Variants in ZNF804B observed in about 807,000 individuals in gnomAD.
ZNF804B encodes the protein zinc finger 804B.
Under a neutral mutation model 101.4 loss-of-function variants are expected in ZNF804B, and 80 were observed. That is an observed-to-expected ratio of 0.79 (90% CI 0.66 to 0.95). The LOEUF (loss-of-function observed/expected upper bound fraction) is 0.95, where lower values mean the gene tolerates loss of function less well. ZNF804B is among the 40% of genes least tolerant of loss of function. The pLI is 0.00. For missense variants in ZNF804B, 1,673 were observed against 1,561.9 expected, an observed-to-expected ratio of 1.07 and a Z score of -1.20; for synonymous variants, 622 against 558.8, an observed-to-expected ratio of 1.11 and a Z score of -1.59.
At chr7:89,287,951 A>G (rs753521893) in intron 2 of ZNF804B, among the ~76,000 whole-genome samples, 15 of 151,624 alleles carry the variant, frequency 9.9e-5, no homozygotes, top group Non-Finnish European at 2.1e-4. Context: ...AAAACCACAT[A>G]CCACTTTCTA....
intron 1 of ZNF804B, among the ~76,000 whole-genome samples, chr7:89,022,719 C>G (rs1007785333): frequency 6.6e-6 from 1 of 152,174 alleles, no homozygotes; most frequent in African/African-American, 2.4e-5. Flanking sequence ...AAATACTTAA[C>G]TGTTGTTAAC....
At chr7:88,867,980 G>C (rs931069288) in intron 1 of ZNF804B, among the ~76,000 whole-genome samples, 1 of 151,446 alleles carries the variant, frequency 6.6e-6, no homozygotes, top group African/African-American at 2.4e-5. Context: ...ATGTCTGTTA[G>C]CATAATCACC....
chr7:89,245,487 A>T lies in ZNF804B; in HGVS notation c.249+27192A>T, dbSNP rs372659471. 3.9e-5 allele frequency among the ~76,000 whole-genome samples: 6 copies of T among 152,334 alleles called. No individual in the cohort carries two copies. The East Asian group carries it at 1.2e-3, about 29-fold the overall frequency. ...AGCAGAAGAGTTTCAAGTGGCCAGT[A>T]TTTGAACACAATGAAATTAAATCAG... On this transcript the variant is annotated intron_variant, in intron 2 of 3. Coordinates refer to ENST00000333190, the MANE Select transcript of ZNF804B (RefSeq NM_181646.5).
intron 1 of ZNF804B, among the ~76,000 whole-genome samples, chr7:88,854,414 C>CCTTTCTTTCTTCCCTTCTTTCTTTCTTT (rs1491507073): frequency 1.8e-5 from 1 of 57,076 alleles, no homozygotes; most frequent in African/African-American, 6.3e-5. Context: ...TTTCTTTCTT[C>CCTTTCTTTCTTCCCTTCTTTCTTTCTTT]CTTTCTTTCT....
intron 1 of ZNF804B, among the ~76,000 whole-genome samples, chr7:89,122,296 C>T (rs1019606943): frequency 2.6e-5 from 4 of 152,172 alleles, no homozygotes; most frequent in African/African-American, 9.6e-5. Flanking sequence ...TGCTACATAG[C>T]TCATGTGGCT....
intron 2 of ZNF804B, among the ~76,000 whole-genome samples, chr7:89,231,753 G>A (rs1340809654): frequency 6.6e-6 from 1 of 151,954 alleles, no homozygotes; most frequent in African/African-American, 2.4e-5. Flanking sequence ...ATATCCAATA[G>A]ATTTTTTATA....
intron 1 of ZNF804B, among the ~76,000 whole-genome samples, chr7:88,924,222 T>A (rs1344364398): frequency 6.6e-6 from 1 of 152,178 alleles, no homozygotes; most frequent in Non-Finnish European, 1.5e-5. Flanking sequence ...TAAATGCTGT[T>A]AATGATTTTA....
chr7:89,187,414 A>AGCTCCAAACAAACAAACCAT (rs1183181290), intron 1 of ZNF804B, among the ~76,000 whole-genome samples: 3 of 152,222 alleles, frequency 2.0e-5, no homozygotes, highest in Non-Finnish European at 1.5e-5. Context: ...AAACTAAGGG[A>AGCTCCAAACAAACAAACCAT]GCTCCAAACA....
intron 1 of ZNF804B, among the ~76,000 whole-genome samples, chr7:89,141,909 T>C (rs1027212787): frequency 4.0e-5 from 6 of 151,082 alleles, no homozygotes; most frequent in African/African-American, 1.5e-4. Flanking sequence ...ATAATAATAA[T>C]AATAACTGTA....
chr7:89,311,850 C>T (rs1790654029), intron 2 of ZNF804B, among the ~76,000 whole-genome samples: 1 of 152,158 alleles, frequency 6.6e-6, no homozygotes, highest in African/African-American at 2.4e-5. Context: ...GTTACAATGA[C>T]ACTACAAAGT....
chr7:88,931,532 A>G (rs932130217), intron 1 of ZNF804B, among the ~76,000 whole-genome samples: 5 of 151,938 alleles, frequency 3.3e-5, no homozygotes, highest in African/African-American at 9.7e-5. Flanking sequence ...GTCTATGTAT[A>G]TTTATTTTCC....
At chr7:89,184,103 T>G (rs975289521) in intron 1 of ZNF804B, among the ~76,000 whole-genome samples, 2 of 152,120 alleles carry the variant, frequency 1.3e-5, no homozygotes, top group African/African-American at 4.8e-5. Context: ...TCATTTAGTT[T>G]GTGATGTAAG....
chr7:89,141,243 T>C (rs781509867), intron 1 of ZNF804B, among the ~76,000 whole-genome samples: 1 of 151,998 alleles, frequency 6.6e-6, no homozygotes, highest in South Asian at 2.1e-4. Flanking sequence ...AATTAAAACA[T>C]TTAAATATTG....
Position 89,125,940 on chromosome 7 carries a change from C to T in ZNF804B, c.109-92215C>T, listed in dbSNP as rs372416223. ...ACTGTAGGGCACTCAAGAAGATACA[C>T]TATGATGGCAAGCACATTACTCTGC... is the stretch of plus-strand genomic sequence containing the variant. On this transcript the variant is annotated intron_variant, in intron 1 of 3. Transcript: ENST00000333190. Among the ~76,000 whole-genome samples, 20 of 152,144 alleles carry T rather than the reference C, an allele frequency of 1.3e-4. No individual in the cohort carries two copies. In the East Asian group the frequency reaches 3.5e-3, roughly 27 times the overall value.
rs77268633 is a variant in ZNF804B at position 88,933,611 on chromosome 7, G to A, written c.108+173527G>A. ...GTCTCAAGATACAAAATCAACGTAC[G>A]TGAATCAGTAGCACTGCTTTACACC... On this transcript the variant is annotated intron_variant, in intron 1 of 3. Transcript: ENST00000333190. Among the ~76,000 whole-genome samples, 125 of 151,986 alleles carry A rather than the reference G, an allele frequency of 8.2e-4. 1 individual carries two copies. The East Asian group carries it at 0.014, about 17-fold the overall frequency.
chr7:89,173,339 A>C (rs1314115697), intron 1 of ZNF804B, among the ~76,000 whole-genome samples: 2 of 151,952 alleles, frequency 1.3e-5, no homozygotes, highest in African/African-American at 2.4e-5. Context: ...TGAGTAATTT[A>C]AATAAGTTAA....
chr7:89,191,693 T>C (rs539793783), intron 1 of ZNF804B, among the ~76,000 whole-genome samples: 1 of 152,222 alleles, frequency 6.6e-6, no homozygotes, highest in South Asian at 2.1e-4. Flanking sequence ...GGTATTTGCA[T>C]CATGAAATTA....
chr7:88,776,934 A>C (rs557856510), intron 1 of ZNF804B, among the ~76,000 whole-genome samples: 1 of 152,260 alleles, frequency 6.6e-6, no homozygotes, highest in Non-Finnish European at 1.5e-5. Flanking sequence ...CGATGTGTTA[A>C]AAAGCCTGAG....
intron 1 of ZNF804B, among the ~76,000 whole-genome samples, chr7:88,905,199 A>G (rs923392022): frequency 3.3e-5 from 5 of 152,100 alleles, no homozygotes; most frequent in African/African-American, 1.2e-4. Flanking sequence ...GTGTCTATTG[A>G]GATAATCATA....
Sources: gnomAD v4.1 joint callset for allele counts (sites outside exome capture counted in the v4.1 genomes callset) on GRCh38, gnomAD v4.1.1 for gene constraint, MANE v1.5 for transcripts, NCBI Gene and HGNC (gene_info 2026-07-23, HGNC 2026-07-21) for gene names.